Variants in BMPR1A observed in about 807,000 individuals in gnomAD.
BMPR1A encodes bone morphogenetic protein receptor type-1A.
BMPR1A carries 7 observed loss-of-function variants against 66.0 expected under a neutral mutation model. The ratio of observed to expected loss-of-function variants is 0.11; its 90% CI spans 0.06 to 0.20. The LOEUF is 0.20. BMPR1A is among the 10% of genes least tolerant of loss of function. BMPR1A has a pLI of 1.00. For synonymous variants in BMPR1A, 200 were observed against 229.7 expected, an observed-to-expected ratio of 0.87 and a Z score of 1.17; for missense variants, 408 against 669.1, an observed-to-expected ratio of 0.61 and a Z score of 4.31.
At chr10:86,873,003 A>C (rs1309777128) in intron 2 of BMPR1A, among the ~76,000 whole-genome samples, 1 of 152,204 alleles carries the variant, frequency 6.6e-6, no homozygotes, top group Non-Finnish European at 1.5e-5. Flanking sequence ...CCAGGGTAGC[A>C]GGGTCGTGGA....
At chr10:86,833,521 C>T (rs1251285883) in intron 1 of BMPR1A, among the ~76,000 whole-genome samples, 1 of 152,084 alleles carries the variant, frequency 6.6e-6, no homozygotes, top group African/African-American at 2.4e-5. Context: ...GGAGGTGGGG[C>T]TTGTGATCCC....
At chr10:86,854,863 A>T (rs1469333808) in intron 2 of BMPR1A, 4 of 233,842 alleles carry the variant, frequency 1.7e-5, no homozygotes, top group Non-Finnish European at 3.7e-5. Context: ...AGCTGTTGAG[A>T]CTCCCTCCAG....
At chr10:86,832,667 T>A (rs867819589) in intron 1 of BMPR1A, among the ~76,000 whole-genome samples, 4 of 152,318 alleles carry the variant, frequency 2.6e-5, no homozygotes, top group Middle Eastern at 3.4e-3. Flanking sequence ...GTTGGAAACA[T>A]ACAGTATGCA....
At chr10:86,928,025 ATCTGTT>A, downstream of BMPR1A, 1 of 173,614 alleles carries the variant, frequency 5.8e-6, no homozygotes, top group Non-Finnish European at 1.2e-5. Flanking sequence ...ATCAGAAGTC[ATCTGTT>A]GAGATTTTTG....
intron 1 of BMPR1A, among the ~76,000 whole-genome samples, chr10:86,783,902 A>G (rs1041243477): frequency 1.3e-5 from 2 of 152,148 alleles, no homozygotes; most frequent in Admixed American, 1.3e-4. Context: ...TATTTTCTTA[A>G]TTTCCTTTTT....
chr10:86,792,407 A>G (rs533455732), intron 1 of BMPR1A, among the ~76,000 whole-genome samples: 26 of 152,294 alleles, frequency 1.7e-4, no homozygotes, highest in African/African-American at 6.0e-4. Flanking sequence ...TGAATTGCAT[A>G]CTGCTAAAAA....
chr10:86,877,822 A>T (rs989182557), intron 3 of BMPR1A, among the ~76,000 whole-genome samples: 2 of 152,144 alleles, frequency 1.3e-5, no homozygotes, highest in African/African-American at 2.4e-5. Context: ...TTTGGCATAA[A>T]TTTTTTTAAA....
At chr10:86,764,117 A>G (rs1841125282) in intron 1 of BMPR1A, among the ~76,000 whole-genome samples, 1 of 152,128 alleles carries the variant, frequency 6.6e-6, no homozygotes. Flanking sequence ...ATACTGTTTT[A>G]TGTATATTAA....
At chr10:86,848,882 T>C (rs1842524265) in intron 2 of BMPR1A, among the ~76,000 whole-genome samples, 1 of 152,192 alleles carries the variant, frequency 6.6e-6, no homozygotes, top group South Asian at 2.1e-4. Flanking sequence ...AGTTGCTAAA[T>C]TTTATCAGCC....
At chr10:86,765,173 A>G (rs1841142098) in intron 1 of BMPR1A, among the ~76,000 whole-genome samples, 2 of 152,140 alleles carry the variant, frequency 1.3e-5, no homozygotes, top group South Asian at 4.1e-4. Flanking sequence ...TTCTTTGCCC[A>G]TCAGAATGCT....
rs1375821038 is a variant in BMPR1A, at chr10:86,802,126, G to C, written c.-267-36739G>C. 5.9e-5 allele frequency among the ~76,000 whole-genome samples: 9 copies of C among 152,218 alleles called. No individual in the cohort carries two copies. The East Asian group carries it at 1.7e-3, about 29-fold the overall frequency. Reference sequence around the variant, plus strand: ...CCCCATCTCCTTTACTCTCTCAGTAGCATTTGGCACAGCTGGCTCTCCTGT... The same window carrying C: ...CCCCATCTCCTTTACTCTCTCAGTACCATTTGGCACAGCTGGCTCTCCTGT... On this transcript the variant is annotated intron_variant, in intron 1 of 12. Coordinates refer to ENST00000372037, the MANE Select transcript of BMPR1A (RefSeq NM_004329.3).
intron 1 of BMPR1A, among the ~76,000 whole-genome samples, chr10:86,820,006 C>T (rs1192424882): frequency 5.9e-5 from 9 of 152,178 alleles, no homozygotes; most frequent in Non-Finnish European, 1.0e-4. Context: ...CCCTGCTTCT[C>T]ACCCTGTACC....
chr10:86,810,922 T>C (rs1841961378), intron 1 of BMPR1A, among the ~76,000 whole-genome samples: 1 of 152,022 alleles, frequency 6.6e-6, no homozygotes, highest in African/African-American at 2.4e-5. Flanking sequence ...TGTGTGTGTA[T>C]TTTTAGTAGA....
In BMPR1A at chr10:86,886,600, G is replaced by A. The variant is rs532389373; in HGVS notation, c.68-3462G>A. Among the ~76,000 whole-genome samples the A allele has an allele frequency of 9.9e-5, 15 of 152,220 alleles. No individual in the cohort carries two copies. The East Asian group carries it at 2.9e-3, about 29-fold the overall frequency. ...GTCTAAGCAGGTCATGGCTAGAGGGGGTACATCCAGGAACCATCAACAGAG... is the reference window on the plus strand; with the variant it reads ...GTCTAAGCAGGTCATGGCTAGAGGGAGTACATCCAGGAACCATCAACAGAG... On this transcript the variant is annotated intron_variant, in intron 3 of 12. Coordinates refer to ENST00000372037, the MANE Select transcript of BMPR1A (RefSeq NM_004329.3).
At chr10:86,899,165 T>G (rs1843270540) in intron 5 of BMPR1A, among the ~76,000 whole-genome samples, 1 of 152,262 alleles carries the variant, frequency 6.6e-6, no homozygotes, top group Non-Finnish European at 1.5e-5. Context: ...AGATATTGTG[T>G]TGTTAATCCA....
chr10:86,873,176 A>C (rs1440873711), intron 2 of BMPR1A, among the ~76,000 whole-genome samples: 1 of 152,182 alleles, frequency 6.6e-6, no homozygotes, highest in South Asian at 2.1e-4. Flanking sequence ...TGACAATGAA[A>C]GATGTAACAA....
At chr10:86,767,263 C>G (rs1377106769) in intron 1 of BMPR1A, among the ~76,000 whole-genome samples, 1 of 152,182 alleles carries the variant, frequency 6.6e-6, no homozygotes. Flanking sequence ...TTATACGCTC[C>G]TTTGATTTTT....
chr10:86,896,165 G>GAAA (rs35504090), intron 5 of BMPR1A, among the ~76,000 whole-genome samples: 1 of 103,770 alleles, frequency 9.6e-6, no homozygotes, highest in Non-Finnish European at 2.2e-5. Context: ...AAAAAGAAAA[G>GAAA]AAAAAAAAAA....
chr10:86,844,330 C>G (rs960669535), intron 2 of BMPR1A, among the ~76,000 whole-genome samples: 2 of 152,086 alleles, frequency 1.3e-5, no homozygotes, highest in African/African-American at 4.8e-5. Context: ...TTTAGTAAAA[C>G]TTAAGAATGT....
Sources: allele counts gnomAD v4.1 joint callset (sites outside exome capture counted in the v4.1 genomes callset), GRCh38; gene constraint gnomAD v4.1.1; transcripts MANE v1.5; gene names NCBI Gene and HGNC (gene_info 2026-07-23, HGNC 2026-07-21).